ZC3HAV1: variants seen among roughly 807,000 people sequenced by gnomAD.
ZC3HAV1 encodes zinc finger CCCH-type containing, antiviral 1.
Under a neutral mutation model 86.6 loss-of-function variants are expected in ZC3HAV1, and 41 were observed. The ratio of observed to expected loss-of-function variants is 0.47; its 90% CI spans 0.37 to 0.61. ZC3HAV1 has a LOEUF of 0.61. Among genes scored for constraint, ZC3HAV1 ranks in the 20% least tolerant of loss-of-function variants. The pLI is 0.00. For synonymous variants in ZC3HAV1, 421 were observed against 432.1 expected (o/e 0.97, Z 0.32); for missense variants, 964 against 1,141.1 (o/e 0.84, Z 2.24).
chr7:139,080,352 G>T lies in ZC3HAV1; in HGVS notation c.698-109C>A, dbSNP rs564003823. The T allele has an allele frequency of 1.5e-4, 205 of 1,348,176 alleles. 1 individual carries two copies. The South Asian group carries it at 2.5e-3, about 16-fold the overall frequency. The allele number at this position is 1,348,176 out of a possible 1,614,324, so 83.5% of individuals were successfully genotyped here. ...TCACTTTTGTAGCTTTGCTATCCAA[G>T]TGCTATCAAATTACTTGGCGTAATC... On this transcript the variant is annotated intron_variant, in intron 3 of 12. Transcript: ENST00000242351.
intron 1 of ZC3HAV1, among the ~76,000 whole-genome samples, chr7:139,091,669 T>G (rs936302116): frequency 2.0e-5 from 3 of 151,712 alleles, no homozygotes; most frequent in African/African-American, 7.3e-5. Flanking sequence ...CAGGCTGGAG[T>G]GCAGTGGCAC....
chr7:139,086,400 C>A (rs55946764), intron 2 of ZC3HAV1, among the ~76,000 whole-genome samples: 1 of 151,754 alleles, frequency 6.6e-6, no homozygotes, highest in Non-Finnish European at 1.5e-5. Flanking sequence ...CTCCCCACCC[C>A]ACCCCACCCT....
At chr7:139,070,500 TA>T (rs1400174075) in intron 7 of ZC3HAV1, among the ~76,000 whole-genome samples, 3 of 150,168 alleles carry the variant, frequency 2.0e-5, no homozygotes, top group Non-Finnish European at 4.4e-5. Flanking sequence ...CCGTCTCTAC[TA>T]AAAATATAAA....
intron 9 of ZC3HAV1, among the ~76,000 whole-genome samples, chr7:139,059,659 A>G (rs1346685045): frequency 6.6e-6 from 1 of 152,054 alleles, no homozygotes; most frequent in Non-Finnish European, 1.5e-5. Context: ...AGATAGCTAC[A>G]CCAATCAGAT....
chr7:139,061,490 T>C (rs1327570116), intron 8 of ZC3HAV1, among the ~76,000 whole-genome samples: 1 of 152,234 alleles, frequency 6.6e-6, no homozygotes, highest in East Asian at 1.9e-4. Context: ...TGGAATCTGG[T>C]AGCTGTCTTG....
rs1817869850 is a variant in ZC3HAV1, at chr7:139,104,542, C to T, written c.308+4482G>A. ...CAGACTGGGCAACATAGTGAAATCC[C>T]GTCTCTACTAAAATACAAAAATGAA... On this transcript the variant is annotated intron_variant, in intron 1 of 12. Coordinates refer to ENST00000242351, the MANE Select transcript of ZC3HAV1 (RefSeq NM_020119.4). Among the ~76,000 whole-genome samples the T allele has an allele frequency of 2.7e-5, 4 of 150,522 alleles. No homozygotes were observed. In the South Asian group the frequency reaches 8.4e-4, roughly 32 times the overall value.
At position 139,109,085 on chromosome 7, in the gene ZC3HAV1, C is replaced by A. The variant is rs748037252; in HGVS notation, c.247G>T (p.Asp83Tyr). The A allele has an allele frequency of 6.3e-7, 1 of 1,592,540 alleles. No homozygotes were observed. Among genetic ancestry groups the A allele is most frequent in the South Asian group, 1.1e-5 (1 of 88,290 alleles). The change falls in exon 1 of 13, where the codon GAT (aspartate) becomes TAT (tyrosine). Residue 83 changes from aspartate (D) to tyrosine (Y), a missense_variant. Coordinates refer to ENST00000242351, the MANE Select transcript of ZC3HAV1 (RefSeq NM_020119.4). ...CRRKYCQRPC[D>Y]NLHLCKLNLL... ...TTGAGTTTGCAGAGATGCAGGTTAT[C>A]GCAGGGTCTCTGGCAGTACTTGCGA...
At chr7:139,107,520 T>A (rs2130745483) in intron 1 of ZC3HAV1, among the ~76,000 whole-genome samples, 1 of 152,318 alleles carries the variant, frequency 6.6e-6, no homozygotes, top group African/African-American at 2.4e-5. Flanking sequence ...GTTTGCCGAC[T>A]GGTCGGACTT....
rs1283481569 is a variant in ZC3HAV1 at position 139,073,969 on chromosome 7, G to T, written c.1759C>A (p.Arg587=). The change falls in exon 7 of 13, where the codon CGA becomes AGA. Residue 587 remains arginine, a synonymous_variant. Coordinates refer to ENST00000242351, the MANE Select transcript of ZC3HAV1 (RefSeq NM_020119.4). ...RVMSCDSFPI[R]RLSTPSSVTK... ...ACAGAAGAAGGAGTGGAGAGGCGTCGGATGGGAAAGGAATCACAACTCATT... is the reference window on the plus strand; with the variant it reads ...ACAGAAGAAGGAGTGGAGAGGCGTCTGATGGGAAAGGAATCACAACTCATT... 1.2e-6 allele frequency: 2 copies of T among 1,613,902 alleles called. No individual in the cohort carries two copies. Among genetic ancestry groups the T allele is most frequent in the East Asian group, 2.2e-5 (1 of 44,878 alleles).
At chr7:139,059,847 C>G (rs1816394228) in intron 9 of ZC3HAV1, among the ~76,000 whole-genome samples, 1 of 152,132 alleles carries the variant, frequency 6.6e-6, no homozygotes, top group South Asian at 2.1e-4. Context: ...ATAACCAGAG[C>G]AGTTAACATT....
In ZC3HAV1 at chr7:139,053,521, A is replaced by G. The variant is rs755845666; in HGVS notation, c.2379T>C (p.Tyr793=). 1.2e-6 allele frequency: 2 copies of G among 1,606,390 alleles called. No homozygotes were observed. Among genetic ancestry groups the G allele is most frequent in the Admixed American group, 1.7e-5 (1 of 57,606 alleles). ...KLLFYATSRA[Y]VESICSNNFD... is the part of the protein sequence containing the mutation. ...AATTATTCGAACAGATAGATTCCAC[A>G]TAGGCACGGCTTGTCGCATAAAATA... is the stretch of plus-strand genomic sequence containing the variant. The change falls in exon 12 of 13, where the codon TAT becomes TAC. Residue 793 remains tyrosine, a synonymous_variant. Coordinates refer to ENST00000242351, the MANE Select transcript of ZC3HAV1 (RefSeq NM_020119.4).
chr7:139,084,093 A>G (rs6943128), intron 2 of ZC3HAV1, 61 bp from the exon 3 acceptor site: 268,199 of 1,580,320 alleles, frequency 0.17, 25,660 homozygotes, highest in East Asian at 0.38. Context: ...CCAAACATTC[A>G]TTAAGGCAAG....
intron 1 of ZC3HAV1, among the ~76,000 whole-genome samples, chr7:139,091,132 C>T (rs1817417803): frequency 6.6e-6 from 1 of 152,178 alleles, no homozygotes; most frequent in South Asian, 2.1e-4. Context: ...GAACCCTCAG[C>T]AGCTGGGCTA....
chr7:139,096,396 C>T (rs1434431740), intron 1 of ZC3HAV1, among the ~76,000 whole-genome samples: 1 of 152,164 alleles, frequency 6.6e-6, no homozygotes, highest in Non-Finnish European at 1.5e-5. Flanking sequence ...CCACCCGCCA[C>T]AATACTTCCC....
At chr7:139,095,469 G>A (rs1230021308) in intron 1 of ZC3HAV1, among the ~76,000 whole-genome samples, 1 of 152,138 alleles carries the variant, frequency 6.6e-6, no homozygotes, top group African/African-American at 2.4e-5. Flanking sequence ...GTATTACCCA[G>A]AACACAGCAG....
chr7:139,097,082 G>A (rs186775963), intron 1 of ZC3HAV1, among the ~76,000 whole-genome samples: 43 of 152,038 alleles, frequency 2.8e-4, no homozygotes, highest in African/African-American at 1.0e-3. Context: ...AGGTTGCAGT[G>A]AGCAGAGATC....
intron 1 of ZC3HAV1, among the ~76,000 whole-genome samples, chr7:139,105,013 A>G (rs1817889518): frequency 7.0e-6 from 1 of 143,786 alleles, no homozygotes; most frequent in South Asian, 2.3e-4. Flanking sequence ...AGCCTGGGTG[A>G]CAGAGTGAGA....
In ZC3HAV1 at chr7:139,047,592, T is replaced by C; in HGVS notation, c.*2A>G. The C allele has an allele frequency of 6.2e-7, 1 of 1,614,080 alleles. No homozygotes were observed. Among genetic ancestry groups the C allele is most frequent in the Non-Finnish European group, 8.5e-7 (1 of 1,180,002 alleles). On this transcript the variant is annotated 3_prime_UTR_variant, in exon 13 of 13. Transcript: ENST00000242351. The stretch of plus-strand genomic sequence containing the variant: ...ATCCTTCTGACGCTGTATTCATCGG[T>C]TCTAACTAATCACGCAGGCTTTGTC...
rs376854580 is a variant in ZC3HAV1, at chr7:139,052,099, C to T, written c.2449+1352G>A. On this transcript the variant is annotated intron_variant, in intron 12 of 12. Coordinates refer to ENST00000242351, the MANE Select transcript of ZC3HAV1 (RefSeq NM_020119.4). ...AAAATGGACAATAAACATTTACATT[C>T]ATAAATATTTCTCTTTTTTTCTTTT... is the stretch of plus-strand genomic sequence containing the variant. Among the ~76,000 whole-genome samples, 816 of 151,782 alleles carry T rather than the reference C, an allele frequency of 5.4e-3. 4 individuals are homozygous for T. Among genetic ancestry groups the T allele is most frequent in the African/African-American group, 0.018 (762 of 41,340 alleles).
Sources: gnomAD v4.1 joint callset for allele counts (sites outside exome capture counted in the v4.1 genomes callset) on GRCh38, gnomAD v4.1.1 for gene constraint, MANE v1.5 for transcripts, NCBI Gene and HGNC (gene_info 2026-07-23, HGNC 2026-07-21) for gene names.